Variants in UNC13A observed in about 807,000 individuals in gnomAD.
The protein encoded by UNC13A is protein unc-13 homolog A.
Under a neutral mutation model 219.7 loss-of-function variants are expected in UNC13A, and 61 were observed. That is an observed-to-expected ratio of 0.28 (90% CI 0.23 to 0.34). The LOEUF is 0.34. Ranked by LOEUF, UNC13A falls within the 10% of genes least tolerant of loss-of-function variation. The probability of loss-of-function intolerance (pLI) is 1.00; values close to 1 mark genes in which losing one functional copy is unlikely to be tolerated. For missense variants in UNC13A, 1,476 were observed against 2,270.3 expected, an observed-to-expected ratio of 0.65 and a Z score of 7.11; for synonymous variants, 920 against 884.6, an observed-to-expected ratio of 1.04 and a Z score of -0.71.
At chr19:17,623,418 G>T in intron 36 of UNC13A, 124 bp downstream of exon 36, 1 of 735,746 alleles carries the variant, frequency 1.4e-6, no homozygotes, top group Non-Finnish European at 2.2e-6. Context: ...ATCTAGGCGG[G>T]AGGGAGGATG....
At chr19:17,634,287 T>C (rs2076889344) in intron 26 of UNC13A, among the ~76,000 whole-genome samples, 1 of 152,170 alleles carries the variant, frequency 6.6e-6, no homozygotes, top group South Asian at 2.1e-4. Context: ...TACTCACTTA[T>C]GCAGCTATCC....
chr19:17,648,574 A>G lies in UNC13A; in HGVS notation c.1673T>C (p.Val558Ala). 6.2e-7 allele frequency: 1 copy of G among 1,614,022 alleles called. No homozygotes were observed. ...ISCTTPHNFE[V>A]WTATTPTYCY... Reference sequence around the variant, plus strand: ...GTAGGTGGGCGTGGTGGCCGTCCACACTTCGAAGTTGTGTGGCGTCGTGCA... The same window carrying G: ...GTAGGTGGGCGTGGTGGCCGTCCACGCTTCGAAGTTGTGTGGCGTCGTGCA... The change falls in exon 16 of 44, where the codon GTG (valine) becomes GCG (alanine). Residue 558 changes from valine (V) to alanine (A), a missense_variant. Around this residue, in one of 14 missense-constraint regions of UNC13A, gnomAD observed 85 missense variants for 211.5 expected, o/e 0.40. Transcript: ENST00000519716.
intron 6 of UNC13A, among the ~76,000 whole-genome samples, 177 bp from the exon 7 acceptor site, chr19:17,666,881 C>CGAGA (rs10535025): frequency 5.6e-4 from 64 of 115,174 alleles, no homozygotes; most frequent in African/African-American, 1.6e-3. Context: ...CACACACACA[C>CGAGA]GAGAGAGAGA....
chr19:17,617,853 G>T lies in UNC13A; in HGVS notation c.4411-4C>A. Reference sequence around the variant, plus strand: ...CGCCACCCGCGTGGAAATATTGCTGGGGAGGACAGGGTGGGGAGAGGTGAG... The same window carrying T: ...CGCCACCCGCGTGGAAATATTGCTGTGGAGGACAGGGTGGGGAGAGGTGAG... On this transcript the variant is annotated splice_polypyrimidine_tract_variant and splice_region_variant and intron_variant, in intron 40 of 43. Transcript: ENST00000519716. The T allele has an allele frequency of 6.2e-7, 1 of 1,613,742 alleles. No homozygotes were observed. The highest frequency in any genetic ancestry group is 8.5e-7 in the Non-Finnish European group (1 of 1,179,818).
rs2076586902 is a variant in UNC13A at position 17,610,170 on chromosome 19, CAA to C, written c.4652-73_4652-72del. 3.1e-6 allele frequency: 5 copies of C among 1,600,192 alleles called. No homozygotes were observed. In the East Asian group the frequency reaches 1.1e-4, roughly 36 times the overall value. On this transcript the variant is annotated intron_variant, in intron 42 of 43. Coordinates refer to ENST00000519716, the MANE Select transcript of UNC13A (RefSeq NM_001080421.3). ...GGAAAAAGTAGATGTTTGTGGCTCT[CAA>C]AACCTGCCCAAGGCTGGGCGCAGTG...
chr19:17,630,833 G>T, intron 28 of UNC13A, 83 bp from the exon 29 acceptor site: 1 of 1,267,296 alleles, frequency 7.9e-7, no homozygotes, highest in Non-Finnish European at 1.1e-6. Flanking sequence ...CCACTAACGA[G>T]TGGAGCTATG....
chr19:17,647,589 C>A (rs1486267678), intron 16 of UNC13A, 97 bp from the exon 17 acceptor site: 4 of 1,224,912 alleles, frequency 3.3e-6, no homozygotes, highest in Non-Finnish European at 4.6e-6. Flanking sequence ...ACCGGGGGGA[C>A]TCAGGTGTCA....
chr19:17,679,395 G>C (rs1456318766), intron 1 of UNC13A, among the ~76,000 whole-genome samples: 1 of 151,228 alleles, frequency 6.6e-6, no homozygotes, highest in Non-Finnish European at 1.5e-5. Context: ...GCAAGACTCT[G>C]TCTCAAAAAA....
chr19:17,631,216 CT>C (rs2076850238), intron 28 of UNC13A, among the ~76,000 whole-genome samples: 1 of 52,038 alleles, frequency 1.9e-5, no homozygotes, highest in Non-Finnish European at 4.2e-5. Flanking sequence ...TCCTTCCTTC[CT>C]TCCTTCTTCC....
intron 31 of UNC13A, among the ~76,000 whole-genome samples, chr19:17,628,975 A>C (rs2076813500): frequency 6.6e-6 from 1 of 152,136 alleles, no homozygotes; most frequent in Non-Finnish European, 1.5e-5. Context: ...TCACACACAC[A>C]CACACACGCA....
chr19:17,615,223 C>A (rs930131931), intron 41 of UNC13A, among the ~76,000 whole-genome samples: 1 of 152,218 alleles, frequency 6.6e-6, no homozygotes, highest in African/African-American at 2.4e-5. Context: ...GAGGCTCATG[C>A]CTGTAATCCC....
At position 17,656,269 on chromosome 19, in the gene UNC13A, G is replaced by A. The variant is rs2145867349; in HGVS notation, c.897C>T (p.Asp299=). ...CCGAGCTGTGGCAGGAGTGGTAGGA[G>A]TCCCGGTCCCGCTCATCCTCCATGT... The part of the protein sequence containing the change: ...GSDMEDERDR[D]SYHSCHSSVS... The change falls in exon 10 of 44, where the codon GAC becomes GAT. Residue 299 remains aspartate (D), a synonymous_variant. Coordinates refer to ENST00000519716, the MANE Select transcript of UNC13A (RefSeq NM_001080421.3). The A allele has an allele frequency of 6.4e-7, 1 of 1,551,846 alleles. No homozygotes were observed. The highest frequency in any genetic ancestry group is 8.7e-7 in the Non-Finnish European group (1 of 1,147,154).
At chr19:17,681,670 A>G (rs777052249) in intron 1 of UNC13A, among the ~76,000 whole-genome samples, 22 of 152,240 alleles carry the variant, frequency 1.4e-4, no homozygotes, top group Non-Finnish European at 2.1e-4. Flanking sequence ...CTCATTAAAT[A>G]GTAATTCACG....
At chr19:17,625,022 G>A (rs2076768183) in intron 34 of UNC13A, 70 bp from the exon 35 acceptor site, 1 of 1,567,912 alleles carries the variant, frequency 6.4e-7, no homozygotes, top group Non-Finnish European at 8.7e-7. Flanking sequence ...TCCCTTAACA[G>A]GTGGGCAAGG....
Position 17,627,846 on chromosome 19 carries a change from C to A in UNC13A, c.3831+17G>T. 6.3e-7 allele frequency: 1 copy of A among 1,588,362 alleles called. No individual in the cohort carries two copies. The highest frequency in any genetic ancestry group is 8.6e-7 in the Non-Finnish European group (1 of 1,165,472). ...GTGCCCCATCCCTTCTCCAGCCCTG[C>A]CTCGGCCCTGCCTCACCTCCTTTCC... On this transcript the variant is annotated intron_variant, in intron 32 of 43. Coordinates refer to ENST00000519716, the MANE Select transcript of UNC13A (RefSeq NM_001080421.3). The surrounding 1 kb of genome is among the most constrained non-coding windows in gnomAD (Gnocchi z 4.7).
intron 7 of UNC13A, among the ~76,000 whole-genome samples, chr19:17,665,244 G>A (rs1304597316): frequency 1.3e-5 from 2 of 151,506 alleles, no homozygotes; most frequent in African/African-American, 4.8e-5. Flanking sequence ...AAATGGGAAA[G>A]GAGAAGGAGG....
At chr19:17,672,967 G>A (rs771198927) in intron 3 of UNC13A, among the ~76,000 whole-genome samples, 12 of 152,136 alleles carry the variant, frequency 7.9e-5, no homozygotes, top group East Asian at 1.9e-4. Context: ...TGCAGGCCTC[G>A]CCCTAGACAT....
At chr19:17,666,591 G>C in intron 7 of UNC13A, 59 bp downstream of exon 7, 1 of 1,325,488 alleles carries the variant, frequency 7.5e-7, no homozygotes, top group Non-Finnish European at 1.0e-6. Context: ...GACAGTCATG[G>C]GGTAGGGGAG....
chr19:17,637,361 G>A (rs1028847363), intron 25 of UNC13A, among the ~76,000 whole-genome samples: 4 of 150,164 alleles, frequency 2.7e-5, no homozygotes, highest in Admixed American at 1.3e-4. Flanking sequence ...GCAGTGATGC[G>A]ATCTCAGCTC....
Sources: allele counts gnomAD v4.1 joint callset (sites outside exome capture counted in the v4.1 genomes callset), GRCh38; gene constraint gnomAD v4.1.1; regional missense constraint gnomAD v4.1.1; non-coding constraint Gnocchi (gnomAD v3.1); transcripts MANE v1.5; gene names NCBI Gene and HGNC (gene_info 2026-07-23, HGNC 2026-07-21).